Variants in TECRL observed in about 807,000 individuals in gnomAD.
The protein encoded by TECRL is trans-2,3-enoyl-CoA reductase like, also known as trans-2,3-enoyl-CoA reductase-like.
TECRL carries 63 observed loss-of-function variants against 52.8 expected under a neutral mutation model. The ratio of observed to expected loss-of-function variants is 1.19; its 90% CI spans 0.97 to 1.47. The LOEUF (loss-of-function observed/expected upper bound fraction) is 1.47, where lower values mean the gene tolerates loss of function less well. Among genes scored for constraint, TECRL ranks in the 40% most tolerant of loss-of-function variants. The probability of loss-of-function intolerance (pLI) is 0.00; values close to 1 mark genes in which losing one functional copy is unlikely to be tolerated. For synonymous variants in TECRL, 164 were observed against 141.9 expected (o/e 1.16, Z -1.10); for missense variants, 482 against 429.6 (o/e 1.12, Z -1.08).
At chr4:64,403,647 C>T (rs1345614580) in intron 1 of TECRL, among the ~76,000 whole-genome samples, 2 of 151,832 alleles carry the variant, frequency 1.3e-5, no homozygotes, top group Non-Finnish European at 2.9e-5. Context: ...GATACCAGAC[C>T]ATGCCTAAGG....
At chr4:64,399,727 C>T (rs563200045) in intron 1 of TECRL, among the ~76,000 whole-genome samples, 8 of 152,274 alleles carry the variant, frequency 5.3e-5, no homozygotes, top group African/African-American at 1.9e-4. Context: ...GGTTTTAAGC[C>T]TGCAGGTGCA....
intron 1 of TECRL, among the ~76,000 whole-genome samples, chr4:64,404,157 G>C (rs1401134063): frequency 6.8e-6 from 1 of 146,362 alleles, no homozygotes; most frequent in Non-Finnish European, 1.5e-5. Flanking sequence ...AGAAGAATTA[G>C]AGAATTATTG....
intron 2 of TECRL, among the ~76,000 whole-genome samples, chr4:64,332,657 T>C (rs945862040): frequency 1.3e-5 from 2 of 152,134 alleles, no homozygotes; most frequent in Admixed American, 6.6e-5. Context: ...ACAGAATTAT[T>C]TGGAAATCTA....
At chr4:64,293,785 C>G (rs1002998541) in intron 8 of TECRL, among the ~76,000 whole-genome samples, 5 of 151,878 alleles carry the variant, frequency 3.3e-5, no homozygotes, top group Admixed American at 3.3e-4. Context: ...ATTAGTCAGG[C>G]TCTGTCATTT....
At chr4:64,341,409 A>G (rs116099879) in intron 2 of TECRL, among the ~76,000 whole-genome samples, 95 of 152,160 alleles carry the variant, frequency 6.2e-4, no homozygotes, top group African/African-American at 2.3e-3. Flanking sequence ...AGACCAGCCT[A>G]ACCAACATGG....
chr4:64,408,163 G>C (rs550208846), intron 1 of TECRL, among the ~76,000 whole-genome samples: 2 of 151,764 alleles, frequency 1.3e-5, no homozygotes, highest in African/African-American at 4.8e-5. Context: ...TATATATTAT[G>C]TGCTTGGCAA....
At chr4:64,336,779 G>C (rs184769129) in intron 2 of TECRL, among the ~76,000 whole-genome samples, 10 of 152,268 alleles carry the variant, frequency 6.6e-5, no homozygotes, top group Middle Eastern at 3.4e-3. Context: ...AGTAGTCATT[G>C]AGGAGCAGGT....
intron 7 of TECRL, 137 bp from the exon 8 acceptor site, chr4:64,300,154 G>T: frequency 2.0e-6 from 1 of 502,970 alleles, no homozygotes; most frequent in Non-Finnish European, 3.4e-6. Flanking sequence ...TTCACCTTTT[G>T]GGATGATACT....
intron 6 of TECRL, among the ~76,000 whole-genome samples, chr4:64,306,377 G>T (rs1483722): frequency 0.99 from 151,070 of 152,220 alleles, 74,975 homozygotes; most frequent in East Asian, 1. Flanking sequence ...GCTGAGGCTA[G>T]ATCTTGGTGT....
chr4:64,301,069 T>G (rs1723991270), intron 7 of TECRL, among the ~76,000 whole-genome samples: 1 of 151,054 alleles, frequency 6.6e-6, no homozygotes, highest in South Asian at 2.1e-4. Flanking sequence ...AATATATATA[T>G]ACAAACCATA....
intron 10 of TECRL, among the ~76,000 whole-genome samples, 154 bp from the exon 11 acceptor site, chr4:64,281,240 A>G (rs1722812015): frequency 6.6e-6 from 1 of 151,970 alleles, no homozygotes; most frequent in Non-Finnish European, 1.5e-5. Context: ...TTTTACATAT[A>G]AAGTCATAAG....
At chr4:64,286,192 T>C (rs1215440849) in intron 9 of TECRL, among the ~76,000 whole-genome samples, 3 of 151,830 alleles carry the variant, frequency 2.0e-5, no homozygotes, top group African/African-American at 7.3e-5. Context: ...CCAAAGAATG[T>C]ATCCTTAAGA....
At chr4:64,300,461 A>T (rs534254916) in intron 7 of TECRL, among the ~76,000 whole-genome samples, 1 of 150,906 alleles carries the variant, frequency 6.6e-6, no homozygotes, top group East Asian at 1.9e-4. Context: ...TATTTTTATT[A>T]TAACAAATAT....
chr4:64,386,203 A>T lies in TECRL; in HGVS notation c.235-10980T>A, dbSNP rs905985305. On this transcript the variant is annotated intron_variant, in intron 1 of 11. Coordinates refer to ENST00000381210, the MANE Select transcript of TECRL (RefSeq NM_001010874.5). Reference sequence around the variant, plus strand: ...TAACACATACTGCATCTATATAATTACAGCATTATTAACCATTATAAAGCA... The same window carrying T: ...TAACACATACTGCATCTATATAATTTCAGCATTATTAACCATTATAAAGCA... Among the ~76,000 whole-genome samples the T allele has an allele frequency of 3.9e-5, 6 of 152,330 alleles. 1 individual carries two copies. In the South Asian group the frequency reaches 8.3e-4, roughly 21 times the overall value.
chr4:64,355,602 T>A (rs1204798604), intron 2 of TECRL, among the ~76,000 whole-genome samples: 2 of 151,480 alleles, frequency 1.3e-5, no homozygotes, highest in African/African-American at 4.9e-5. Flanking sequence ...ATCGAGACCA[T>A]CCTGGCGAAC....
chr4:64,329,070 A>G (rs1479143710), intron 2 of TECRL, among the ~76,000 whole-genome samples: 1 of 151,960 alleles, frequency 6.6e-6, no homozygotes, highest in Non-Finnish European at 1.5e-5. Flanking sequence ...CAGAAGCATC[A>G]CTTGAAATTT....
intron 9 of TECRL, among the ~76,000 whole-genome samples, chr4:64,288,426 C>A (rs186968162): frequency 6.6e-6 from 1 of 152,072 alleles, no homozygotes; most frequent in Non-Finnish European, 1.5e-5. Flanking sequence ...AGTCCTCAGG[C>A]ATTTGAAGCA....
intron 1 of TECRL, among the ~76,000 whole-genome samples, chr4:64,400,373 T>A (rs1724270783): frequency 6.6e-6 from 1 of 152,142 alleles, no homozygotes; most frequent in Admixed American, 6.5e-5. Flanking sequence ...TGGAAAAGAC[T>A]TGCTTTGTCT....
chr4:64,374,066 T>TAGTAGATACATATATAG (rs1303639523), intron 2 of TECRL, among the ~76,000 whole-genome samples: 1 of 129,702 alleles, frequency 7.7e-6, no homozygotes, highest in African/African-American at 2.9e-5. Flanking sequence ...TATATATATA[T>TAGTAGATACATATATAG]ATATATATAT....
Sources: allele counts gnomAD v4.1 joint callset (sites outside exome capture counted in the v4.1 genomes callset), GRCh38; gene constraint gnomAD v4.1.1; transcripts MANE v1.5; gene names NCBI Gene and HGNC (gene_info 2026-07-23, HGNC 2026-07-21).